EVC2: variants seen among roughly 807,000 people sequenced by gnomAD.
EVC2 encodes EvC ciliary complex subunit 2.
A neutral mutation model predicts 149.3 loss-of-function variants in EVC2; 148 were observed. The observed-to-expected ratio is 0.99, with a 90% confidence interval of 0.87 to 1.14. The LOEUF is 1.14. Ranked by LOEUF, EVC2 falls within the 50% of genes most tolerant of loss-of-function variation. The pLI, the probability that EVC2 is intolerant of heterozygous loss-of-function variation, is 0.00. For missense variants in EVC2, 1,854 were observed against 1,627.3 expected (o/e 1.14, Z -2.40); for synonymous variants, 776 against 649.9 (o/e 1.19, Z -2.95).
chr4:5,600,460 A>G (rs1253737125), intron 16 of EVC2, among the ~76,000 whole-genome samples: 1 of 152,192 alleles, frequency 6.6e-6, no homozygotes, highest in Non-Finnish European at 1.5e-5. Flanking sequence ...TATAAAAAAA[A>G]TCTTTACAGT....
intron 9 of EVC2, among the ~76,000 whole-genome samples, chr4:5,648,256 T>C (rs1259873879): frequency 6.6e-6 from 1 of 152,168 alleles, no homozygotes; most frequent in East Asian, 1.9e-4. Flanking sequence ...AGAGCTGACA[T>C]CTTGATTTTT....
intron 16 of EVC2, among the ~76,000 whole-genome samples, chr4:5,590,914 A>C (rs7434549): frequency 0.14 from 20,683 of 152,170 alleles, 3,012 homozygotes; most frequent in African/African-American, 0.37. Context: ...TGGCAGCAGC[A>C]AGAAGTGCCA....
chr4:5,593,454 G>T (rs1713028143), intron 16 of EVC2, among the ~76,000 whole-genome samples: 1 of 152,146 alleles, frequency 6.6e-6, no homozygotes, highest in South Asian at 2.1e-4. Flanking sequence ...AGAATTAAAG[G>T]TGCCACAGAT....
intron 9 of EVC2, among the ~76,000 whole-genome samples, chr4:5,662,537 TATA>T (rs1249749449): frequency 3.5e-5 from 5 of 143,544 alleles, no homozygotes; most frequent in South Asian, 2.1e-4. Context: ...ATATATTAAA[TATA>T]ATATTAATAT....
chr4:5,661,112 G>A (rs998297299), intron 9 of EVC2, among the ~76,000 whole-genome samples: 1 of 152,156 alleles, frequency 6.6e-6, no homozygotes, highest in Non-Finnish European at 1.5e-5. Context: ...CCTCCAGTGG[G>A]TAGTGAGTGG....
Position 5,625,676 on chromosome 4 carries a change from G to T in EVC2, c.2046+73C>A. ...CCTAGTTCACCAATGGCAATGTCTG[G>T]CACAGTACCTGGCACTTGATGGGTA... On this transcript the variant is annotated intron_variant, in intron 13 of 21. Coordinates refer to ENST00000344408, the MANE Select transcript of EVC2 (RefSeq NM_147127.5). This position sits in a 1 kb window ranked among gnomAD's most constrained non-coding sequence, Gnocchi z 4.0. 6.3e-7 allele frequency: 1 copy of T among 1,591,978 alleles called. No individual in the cohort carries two copies. Among genetic ancestry groups the T allele is most frequent in the Non-Finnish European group, 8.6e-7 (1 of 1,163,692 alleles).
At chr4:5,616,410 C>A (rs1041880909) in intron 15 of EVC2, among the ~76,000 whole-genome samples, 1 of 144,924 alleles carries the variant, frequency 6.9e-6, no homozygotes, top group African/African-American at 2.9e-5. Flanking sequence ...CTGGGGGCCA[C>A]CAGCAGATGA....
At chr4:5,648,555 G>C (rs1432095763) in intron 9 of EVC2, among the ~76,000 whole-genome samples, 1 of 152,190 alleles carries the variant, frequency 6.6e-6, no homozygotes, top group Middle Eastern at 3.2e-3. Flanking sequence ...ACCCTCATAG[G>C]TTGTTGTTCA....
intron 7 of EVC2, among the ~76,000 whole-genome samples, chr4:5,667,875 T>TA (rs1278370702): frequency 3.3e-5 from 5 of 152,186 alleles, no homozygotes; most frequent in Admixed American, 2.0e-4. Context: ...ATACTACATG[T>TA]AAAAAACAGT....
chr4:5,608,975 C>T (rs2108819843), intron 16 of EVC2, among the ~76,000 whole-genome samples: 1 of 152,178 alleles, frequency 6.6e-6, no homozygotes, highest in Middle Eastern at 3.4e-3. Flanking sequence ...CTGGGATATC[C>T]ATCTTCTCCT....
intron 10 of EVC2, among the ~76,000 whole-genome samples, chr4:5,639,067 G>A (rs1397734321): frequency 2.6e-5 from 4 of 152,146 alleles, no homozygotes; most frequent in African/African-American, 9.7e-5. Flanking sequence ...GCAGGTGCAG[G>A]CAGGACAGCG....
chr4:5,618,403 A>T lies in EVC2; in HGVS notation c.2706+75T>A. On this transcript the variant is annotated intron_variant, in intron 15 of 21. Coordinates refer to ENST00000344408, the MANE Select transcript of EVC2 (RefSeq NM_147127.5). This position sits in a 1 kb window ranked among gnomAD's most constrained non-coding sequence, Gnocchi z 4.4. ...GTGAGATGGGCTCAGGCTGGGGAAG[A>T]GGCCAGACCCTGTAGGGCCAGCAGC... 3 of 1,561,184 alleles carry T rather than the reference A, an allele frequency of 1.9e-6. No individual in the cohort carries two copies. The highest frequency in any genetic ancestry group is 2.6e-6 in the Non-Finnish European group (3 of 1,136,424).
chr4:5,668,969 G>C (rs866057701), intron 7 of EVC2, among the ~76,000 whole-genome samples: 1 of 152,168 alleles, frequency 6.6e-6, no homozygotes, highest in African/African-American at 2.4e-5. Context: ...TCCAATGATC[G>C]TGTCTTCATG....
Position 5,640,967 on chromosome 4 carries a change from C to T in EVC2, c.1146-129G>A, listed in dbSNP as rs1717287313. 5 of 1,061,938 alleles carry T rather than the reference C, an allele frequency of 4.7e-6. No homozygotes were observed. The highest frequency in any genetic ancestry group is 7.1e-6 in the Non-Finnish European group (5 of 706,838). 65.8% of individuals were successfully genotyped at this position (1,061,938 alleles called of 1,614,324 possible). On this transcript the variant is annotated intron_variant, in intron 9 of 21. Transcript: ENST00000344408. This position sits in a 1 kb window ranked among gnomAD's most constrained non-coding sequence, Gnocchi z 4.6. ...TTCTTCGTCTTCCTTTTCTTCCTTT[C>T]CCCGCTCACTTCTGCTTCATCCAGT... is the stretch of plus-strand genomic sequence containing the variant.
rs184521284 is a variant in EVC2, at chr4:5,633,024, G to A, written c.1471-992C>T. 5.1e-3 allele frequency among the ~76,000 whole-genome samples: 772 copies of A among 152,308 alleles called. 6 individuals are homozygous for A. Among genetic ancestry groups the A allele is most frequent in the Middle Eastern group, 0.017 (5 of 294 alleles). ...ATGATGTAATTAAGGTCACTAATCA[G>A]TTGACTTTGAATTAATCAAAAGGAA... On this transcript the variant is annotated intron_variant, in intron 10 of 21. Transcript: ENST00000344408. This position sits in a 1 kb window ranked among gnomAD's most constrained non-coding sequence, Gnocchi z 4.4.
downstream of EVC2, chr4:5,562,329 G>A (rs990642811): frequency 9.3e-6 from 5 of 536,104 alleles, no homozygotes; most frequent in African/African-American, 2.0e-5. The surrounding 1 kb of genome is among the most constrained non-coding windows in gnomAD (Gnocchi z 4.3). Context: ...CAACTGGAGC[G>A]ATAGAGGGCG....
At position 5,609,256 on chromosome 4, in the gene EVC2, G is replaced by C. The variant is rs576148950; in HGVS notation, c.2829+6166C>G. Among the ~76,000 whole-genome samples, 6 of 152,154 alleles carry C rather than the reference G, an allele frequency of 3.9e-5. No individual in the cohort carries two copies. The South Asian group carries it at 6.2e-4, about 16-fold the overall frequency. Reference sequence around the variant, plus strand: ...ATCTGCTATGGGTTCTGTTTCTCTGGAAAACCATGATTAATATCATGATCA... The same window carrying C: ...ATCTGCTATGGGTTCTGTTTCTCTGCAAAACCATGATTAATATCATGATCA... On this transcript the variant is annotated intron_variant, in intron 16 of 21. Coordinates refer to ENST00000344408, the MANE Select transcript of EVC2 (RefSeq NM_147127.5).
At chr4:5,602,018 T>G (rs1349599202) in intron 16 of EVC2, among the ~76,000 whole-genome samples, 1 of 152,194 alleles carries the variant, frequency 6.6e-6, no homozygotes, top group African/African-American at 2.4e-5. Context: ...CTCATGCCTA[T>G]AATCCCTGCA....
chr4:5,609,592 C>T (rs1044903447), intron 16 of EVC2, among the ~76,000 whole-genome samples: 4 of 152,160 alleles, frequency 2.6e-5, no homozygotes, highest in African/African-American at 9.7e-5. Flanking sequence ...GGAAAGAAGA[C>T]GAGCACTACA....
Sources: allele counts gnomAD v4.1 joint callset (sites outside exome capture counted in the v4.1 genomes callset), GRCh38; gene constraint gnomAD v4.1.1; non-coding constraint Gnocchi (gnomAD v3.1); transcripts MANE v1.5; gene names NCBI Gene and HGNC (gene_info 2026-07-23, HGNC 2026-07-21).